The following KCNK10 variants were observed in gnomAD, a reference collection of about 807,000 sequenced individuals.
KCNK10 encodes potassium two pore domain channel subfamily K member 10.
Under a neutral mutation model 47.7 loss-of-function variants are expected in KCNK10, and 25 were observed. The ratio of observed to expected loss-of-function variants is 0.52; its 90% CI spans 0.38 to 0.73. The LOEUF (loss-of-function observed/expected upper bound fraction) is 0.73. Ranked by LOEUF, KCNK10 falls within the 30% of genes least tolerant of loss-of-function variation. The pLI, the probability that KCNK10 is intolerant of heterozygous loss-of-function variation, is 0.00. For missense variants in KCNK10, 563 were observed against 714.5 expected, an observed-to-expected ratio of 0.79 and a Z score of 2.42; for synonymous variants, 303 against 285.6, an observed-to-expected ratio of 1.06 and a Z score of -0.61.
intron 3 of KCNK10, among the ~76,000 whole-genome samples, chr14:88,238,461 A>G (rs535976484): frequency 3.6e-4 from 55 of 152,350 alleles, no homozygotes; most frequent in African/African-American, 1.2e-3. Flanking sequence ...ACTTGGGCCC[A>G]GAAGTTCAAG....
At chr14:88,191,948 G>A (rs1884760772) in intron 5 of KCNK10, among the ~76,000 whole-genome samples, 1 of 152,154 alleles carries the variant, frequency 6.6e-6, no homozygotes, top group Non-Finnish European at 1.5e-5. Context: ...GATTTAATGA[G>A]AAATTCACTT....
intron 2 of KCNK10, among the ~76,000 whole-genome samples, chr14:88,250,646 A>T (rs1207976888): frequency 2.0e-5 from 3 of 152,182 alleles, no homozygotes; most frequent in African/African-American, 7.2e-5. Context: ...AAAAATTCTT[A>T]TGTCCCTAAA....
In KCNK10 at chr14:88,185,556, T is replaced by C; in HGVS notation, c.1611A>G (p.Ser537=). Reference sequence around the variant, plus strand: ...ACATTTAGTTTCTGTCTTCAAGTAATGAGTTGTTCTCCGGCTCCCGGTCTT... The same window carrying C: ...ACATTTAGTTTCTGTCTTCAAGTAACGAGTTGTTCTCCGGCTCCCGGTCTT... ...DTKDREPENN[S]LLEDRN Residue 537 remains serine (S), a synonymous_variant, in exon 7 of 7, where the codon TCA becomes TCG. Coordinates refer to ENST00000319231, the MANE Select transcript of KCNK10 (RefSeq NM_138317.3). The surrounding 1 kb of genome is among the most constrained non-coding windows in gnomAD (Gnocchi z 4.3). The C allele has an allele frequency of 6.2e-7, 1 of 1,613,366 alleles. No homozygotes were observed. Among genetic ancestry groups the C allele is most frequent in the Non-Finnish European group, 8.5e-7 (1 of 1,179,436 alleles).
At chr14:88,305,779 G>T (rs1020201489) in intron 1 of KCNK10, among the ~76,000 whole-genome samples, 5 of 152,184 alleles carry the variant, frequency 3.3e-5, no homozygotes, top group African/African-American at 1.2e-4. Context: ...GGCTGGGAAG[G>T]CAGCCAAGAA....
chr14:88,313,302 C>G (rs1888364332), intron 1 of KCNK10, among the ~76,000 whole-genome samples: 1 of 152,174 alleles, frequency 6.6e-6, no homozygotes, highest in Admixed American at 6.5e-5. Context: ...TTCAATATGT[C>G]TTCAAATTCT....
At chr14:88,272,393 T>C (rs935273490) in intron 1 of KCNK10, among the ~76,000 whole-genome samples, 15 of 151,494 alleles carry the variant, frequency 9.9e-5, no homozygotes, top group African/African-American at 3.6e-4. Context: ...GAGACGAGAA[T>C]GCAAAGACAA....
rs1156592071 is a variant in KCNK10, at chr14:88,182,244, C to A, written c.*3291G>T. On this transcript the variant is annotated 3_prime_UTR_variant, in exon 7 of 7. Transcript: ENST00000319231. ...ATTCAGTGCCTGCTTGCCAGTGAAG[C>A]AAAAGACAGCCCCCACTGAAGATGG... 1 of 152,272 alleles carries A rather than the reference C, an allele frequency of 6.6e-6. No individual in the cohort carries two copies. The highest frequency in any genetic ancestry group is 1.5e-5 in the Non-Finnish European group (1 of 68,028). The allele number at this position is 152,272 out of a possible 1,614,324, so 9.4% of individuals were successfully genotyped here. A position where few individuals can be genotyped will look rare whatever the true frequency, so the allele number is the denominator to read the frequency against.
At chr14:88,230,835 T>C (rs1289114962) in intron 3 of KCNK10, among the ~76,000 whole-genome samples, 1 of 152,220 alleles carries the variant, frequency 6.6e-6, no homozygotes, top group Non-Finnish European at 1.5e-5. Context: ...AGTCTTCTCA[T>C]AGATAAAATG....
intron 4 of KCNK10, among the ~76,000 whole-genome samples, chr14:88,200,046 TTTC>T (rs1003804402): frequency 6.4e-4 from 97 of 152,030 alleles, no homozygotes; most frequent in African/African-American, 2.0e-3. Context: ...TCTCTCTTTC[TTTC>T]TTCTTCTTTT....
chr14:88,220,956 T>C (rs899195369), intron 4 of KCNK10, among the ~76,000 whole-genome samples: 1 of 151,468 alleles, frequency 6.6e-6, no homozygotes, highest in African/African-American at 2.4e-5. Context: ...GCAAAGGATA[T>C]ACTAGATAAA....
rs749799358 is a variant in KCNK10 at position 88,185,881 on chromosome 14, C to G, written c.1286G>C (p.Arg429Pro). ...GTTCAGCTGCTCCGGCCCCTTCAGG[C>G]GCAGGTTGTTGGGCCGGTTGTTGAT... ...ESINNRPNNL[R>P]LKGPEQLNKH... Residue 429 changes from arginine (R) to proline (P), a missense_variant, in exon 7 of 7, where the codon CGC (arginine) becomes CCC (proline). Arg to Pro is a moderately radical substitution (Grantham distance 103, BLOSUM62 -2). Transcript: ENST00000319231. This position sits in a 1 kb window ranked among gnomAD's most constrained non-coding sequence, Gnocchi z 4.3. The G allele has an allele frequency of 3.6e-5, 58 of 1,613,932 alleles. No homozygotes were observed. Among genetic ancestry groups the G allele is most frequent in the Non-Finnish European group, 4.0e-5 (47 of 1,180,014 alleles).
chr14:88,203,194 G>A (rs999584402), intron 4 of KCNK10, among the ~76,000 whole-genome samples: 20 of 150,312 alleles, frequency 1.3e-4, no homozygotes, highest in African/African-American at 5.0e-4. Context: ...CCACCGCCCT[G>A]TATATGCCCG....
rs1163041071 is a variant in KCNK10, at chr14:88,323,062, G to A, written c.-264C>T. On this transcript the variant is annotated 5_prime_UTR_variant, in exon 1 of 7. Coordinates refer to ENST00000319231, the MANE Select transcript of KCNK10 (RefSeq NM_138317.3). The stretch of plus-strand genomic sequence containing the variant: ...GTAAAAGAAAAAGTAAGATCGGCGA[G>A]GGGTGGATGAAAGGATGGAGAGGAA... The A allele has an allele frequency of 1.5e-6, 2 of 1,294,966 alleles. No individual in the cohort carries two copies. The highest frequency in any genetic ancestry group is 2.0e-6 in the Non-Finnish European group (2 of 1,014,788). 80.2% of individuals were successfully genotyped at this position (1,294,966 alleles called of 1,614,324 possible).
At chr14:88,298,405 C>T (rs1049784018) in intron 1 of KCNK10, among the ~76,000 whole-genome samples, 6 of 152,168 alleles carry the variant, frequency 3.9e-5, no homozygotes, top group Non-Finnish European at 7.4e-5. Flanking sequence ...ACGCCTTCCC[C>T]TCCTCATCCA....
chr14:88,294,333 A>G (rs1318250159), intron 1 of KCNK10, among the ~76,000 whole-genome samples: 1 of 152,266 alleles, frequency 6.6e-6, no homozygotes, highest in Non-Finnish European at 1.5e-5. Flanking sequence ...AAGACAGAGG[A>G]GGGTCTGCAG....
chr14:88,207,027 T>C (rs373609433), intron 4 of KCNK10, among the ~76,000 whole-genome samples: 56 of 152,170 alleles, frequency 3.7e-4, no homozygotes, highest in African/African-American at 1.4e-3. Flanking sequence ...ATGAATACCA[T>C]TGGCAATAAG....
intron 4 of KCNK10, among the ~76,000 whole-genome samples, chr14:88,213,304 T>C (rs1168833263): frequency 3.9e-5 from 6 of 152,270 alleles, no homozygotes; most frequent in Admixed American, 1.3e-4. Context: ...AAAATTACGA[T>C]AATTTTTTAA....
intron 4 of KCNK10, among the ~76,000 whole-genome samples, chr14:88,199,172 G>A (rs949260961): frequency 2.0e-5 from 3 of 151,992 alleles, no homozygotes; most frequent in South Asian, 2.1e-4. Context: ...CACCCGCCTC[G>A]GTCTGCCAAA....
At position 88,297,106 on chromosome 14, in the gene KCNK10, G is replaced by A. The variant is rs181220522; in HGVS notation, c.52+25641C>T. Among the ~76,000 whole-genome samples the A allele has an allele frequency of 3.5e-4, 54 of 152,190 alleles. 2 individuals are homozygous for A. Among genetic ancestry groups the A allele is most frequent in the Admixed American group, 1.6e-3 (25 of 15,290 alleles). ...AATATGGCTCTTGTTCCAGTTTATC[G>A]GAGTACTGCACAGAGCCTGGTAGGT... On this transcript the variant is annotated intron_variant, in intron 1 of 6. Coordinates refer to ENST00000319231, the MANE Select transcript of KCNK10 (RefSeq NM_138317.3).
Sources: allele counts gnomAD v4.1 joint callset (sites outside exome capture counted in the v4.1 genomes callset), GRCh38; gene constraint gnomAD v4.1.1; non-coding constraint Gnocchi (gnomAD v3.1); transcripts MANE v1.5; gene names NCBI Gene and HGNC (gene_info 2026-07-23, HGNC 2026-07-21).